The following COA1 variants were observed in gnomAD, a reference collection of about 807,000 sequenced individuals.
COA1 encodes cytochrome c oxidase assembly factor 1.
A neutral mutation model predicts 16.0 loss-of-function variants in COA1; 13 were observed. The ratio of observed to expected loss-of-function variants is 0.81; its 90% confidence interval spans 0.53 to 1.29. COA1 has a LOEUF of 1.29. COA1 is among the 50% of genes most tolerant of loss of function. COA1 has a pLI of 0.00. For missense variants in COA1, 179 were observed against 177.0 expected, an observed-to-expected ratio of 1.01 and a Z score of -0.06; for synonymous variants, 65 against 65.7, an observed-to-expected ratio of 0.99 and a Z score of 0.05.
chr7:43,632,403 G>A (rs1563191156), intron 6 of COA1: 1 of 152,178 alleles, frequency 6.6e-6, no homozygotes, highest in Non-Finnish European at 1.5e-5. Flanking sequence ...ATGAGGATTG[G>A]AATCTATTTC....
intron 1 of COA1, among the ~76,000 whole-genome samples, chr7:43,672,765 T>A: frequency 1.5e-5 from 2 of 129,594 alleles, no homozygotes; most frequent in Admixed American, 8.4e-5. Flanking sequence ...CGAGGCTCCA[T>A]CTCAAACCAA....
rs1322045235 is a variant in COA1, at chr7:43,725,973, CA to C, written c.-39+3455del. 5.3e-5 allele frequency among the ~76,000 whole-genome samples: 8 copies of C among 150,568 alleles called. No homozygotes were observed. In the East Asian group the frequency reaches 1.6e-3, roughly 29 times the overall value. On this transcript the variant is annotated intron_variant, in intron 1 of 5. Transcript: ENST00000223336. ...TAGGATTTTATAAAACTACTTTTTCCAACATGCCCCAAACAATACAGAACAC... is the reference window on the plus strand; with the variant it reads ...TAGGATTTTATAAAACTACTTTTTCCACATGCCCCAAACAATACAGAACAC...
At chr7:43,694,999 T>C (rs1241426564) in intron 1 of COA1, among the ~76,000 whole-genome samples, 2 of 152,218 alleles carry the variant, frequency 1.3e-5, no homozygotes, top group East Asian at 3.8e-4. Flanking sequence ...TCTCTCACAC[T>C]TCCCAGCTTA....
intron 1 of COA1, among the ~76,000 whole-genome samples, chr7:43,663,565 G>A (rs11773005): frequency 0.11 from 16,807 of 150,218 alleles, 1,055 homozygotes; most frequent in Admixed American, 0.19. Context: ...TGAGGAGGCT[G>A]AGGCAGGGCA....
chr7:43,647,908 T>A, intron 2 of COA1: 1 of 415,286 alleles, frequency 2.4e-6, no homozygotes, highest in South Asian at 3.8e-5. Flanking sequence ...GAGCGAGCAT[T>A]CAGCCCACCA....
At chr7:43,722,426 G>C (rs886192639) in intron 1 of COA1, among the ~76,000 whole-genome samples, 55 of 149,500 alleles carry the variant, frequency 3.7e-4, no homozygotes, top group Non-Finnish European at 5.9e-5. Context: ...CAAAACGAGA[G>C]TCTCGTTCTA....
intron 1 of COA1, among the ~76,000 whole-genome samples, chr7:43,652,252 G>A (rs1366299819): frequency 6.6e-6 from 1 of 152,146 alleles, no homozygotes; most frequent in Non-Finnish European, 1.5e-5. Flanking sequence ...TTAACACCCA[G>A]AGTCCTCTAA....
At chr7:43,653,908 T>C (rs3823661) in intron 1 of COA1, among the ~76,000 whole-genome samples, 123,026 of 152,002 alleles carry the variant, frequency 0.81, 50,010 homozygotes, top group African/African-American at 0.88. Flanking sequence ...TTTAAGAGGG[T>C]ATCAAGCTAC....
chr7:43,717,642 G>A (rs752880227), intron 1 of COA1, among the ~76,000 whole-genome samples: 2 of 152,116 alleles, frequency 1.3e-5, no homozygotes, highest in South Asian at 2.1e-4. Context: ...GGGGACTGTC[G>A]GGAAGGCATG....
chr7:43,689,635 CA>C (rs1286104910), intron 1 of COA1, among the ~76,000 whole-genome samples: 6 of 152,088 alleles, frequency 3.9e-5, no homozygotes, highest in Admixed American at 3.3e-4. Context: ...TGTTAAAAGG[CA>C]TATTTTCTCA....
Position 43,639,688 on chromosome 7 carries a change from G to A in COA1, c.342-7C>T. 6.2e-7 allele frequency: 1 copy of A among 1,607,354 alleles called. No individual in the cohort carries two copies. The highest frequency in any genetic ancestry group is 1.1e-5 in the South Asian group (1 of 90,940). ...GACCTCGTCAAGGTGCCACCTGAGA[G>A]AAACCAAAAGTATAGTATCTCTAAT... On this transcript the variant is annotated splice_region_variant and splice_polypyrimidine_tract_variant and intron_variant, in intron 5 of 5. Coordinates refer to ENST00000223336, the MANE Select transcript of COA1 (RefSeq NM_018224.4).
At chr7:43,653,782 T>C (rs1421704708) in intron 1 of COA1, among the ~76,000 whole-genome samples, 1 of 152,100 alleles carries the variant, frequency 6.6e-6, no homozygotes, top group Non-Finnish European at 1.5e-5. Context: ...AGATGTCTGC[T>C]ACTCATCCCA....
intron 1 of COA1, among the ~76,000 whole-genome samples, chr7:43,669,911 A>G (rs2093152209): frequency 6.6e-6 from 1 of 152,132 alleles, no homozygotes; most frequent in Non-Finnish European, 1.5e-5. Flanking sequence ...CTCATTATGG[A>G]CAGAATGAGG....
chr7:43,686,204 T>C (rs2094012478), intron 1 of COA1, among the ~76,000 whole-genome samples: 1 of 152,078 alleles, frequency 6.6e-6, no homozygotes, highest in South Asian at 2.1e-4. Context: ...AACCAAACAG[T>C]AGATGAGACA....
At chr7:43,696,017 C>T (rs529118336) in intron 1 of COA1, among the ~76,000 whole-genome samples, 4 of 152,272 alleles carry the variant, frequency 2.6e-5, no homozygotes, top group African/African-American at 9.6e-5. Context: ...TACAGTTCCA[C>T]AGGACTGGGG....
intron 6 of COA1, among the ~76,000 whole-genome samples, chr7:43,629,144 C>T (rs987703001): frequency 2.0e-5 from 3 of 152,242 alleles, no homozygotes; most frequent in East Asian, 1.9e-4. Flanking sequence ...TTTTGGTGCC[C>T]GGTCTAAAAT....
At chr7:43,655,101 C>T (rs1346039598) in intron 1 of COA1, among the ~76,000 whole-genome samples, 1 of 152,072 alleles carries the variant, frequency 6.6e-6, no homozygotes, top group East Asian at 1.9e-4. Context: ...CCAATTAATC[C>T]AAATAATTGT....
chr7:43,677,019 T>C (rs2093556026), intron 1 of COA1, among the ~76,000 whole-genome samples: 1 of 152,352 alleles, frequency 6.6e-6, no homozygotes, highest in Non-Finnish European at 1.5e-5. Flanking sequence ...TTAAGTCCCC[T>C]TGGGGTGGGT....
Position 43,639,412 on chromosome 7 carries a change from T to C in COA1, c.*170A>G, listed in dbSNP as rs1288138344. On this transcript the variant is annotated 3_prime_UTR_variant, in exon 6 of 6. Coordinates refer to ENST00000223336, the MANE Select transcript of COA1 (RefSeq NM_018224.4). ...CAAATAGCATTTGTTGTGCCCAAGTTAGAATTACACCAAAATTACCATGTG... is the reference window on the plus strand; with the variant it reads ...CAAATAGCATTTGTTGTGCCCAAGTCAGAATTACACCAAAATTACCATGTG... The C allele has an allele frequency of 1.1e-5, 6 of 530,790 alleles. No individual in the cohort carries two copies. In the East Asian group the frequency reaches 1.5e-4, roughly 13 times the overall value. 32.9% of individuals were successfully genotyped at this position (530,790 alleles called of 1,614,324 possible). A position where few individuals can be genotyped will look rare whatever the true frequency, so the allele number is the denominator to read the frequency against.
Sources: gnomAD v4.1 joint callset for allele counts (sites outside exome capture counted in the v4.1 genomes callset) on GRCh38, gnomAD v4.1.1 for gene constraint, MANE v1.5 for transcripts, NCBI Gene and HGNC (gene_info 2026-07-23, HGNC 2026-07-21) for gene names.